The following TBC1D9 variants were observed in gnomAD, a reference collection of about 807,000 sequenced individuals.
The protein encoded by TBC1D9 is TBC1 domain family member 9, also known as TBC1 domain family member 9A.
Under a neutral mutation model 132.0 loss-of-function variants are expected in TBC1D9, and 63 were observed. The ratio of observed to expected loss-of-function variants is 0.48; its 90% CI spans 0.39 to 0.59. TBC1D9 has a LOEUF of 0.59. TBC1D9 is among the 20% of genes least tolerant of loss of function. TBC1D9 has a pLI of 0.00. For synonymous variants in TBC1D9, 610 were observed against 609.9 expected, an observed-to-expected ratio of 1.00 and a Z score of 0.00; for missense variants, 1,261 against 1,592.7, an observed-to-expected ratio of 0.79 and a Z score of 3.54.
chr4:140,711,784 T>C (rs1203413581), intron 1 of TBC1D9, among the ~76,000 whole-genome samples: 9 of 152,214 alleles, frequency 5.9e-5, no homozygotes, highest in Non-Finnish European at 1.3e-4. Flanking sequence ...TACTATTCTG[T>C]ATGATCCCAA....
At chr4:140,668,700 G>A (rs900541221) in intron 9 of TBC1D9, among the ~76,000 whole-genome samples, 1 of 152,174 alleles carries the variant, frequency 6.6e-6, no homozygotes, top group Non-Finnish European at 1.5e-5. Context: ...GAAGGATGGT[G>A]GATTCAACAT....
chr4:140,641,683 C>T (rs1736998335), intron 13 of TBC1D9, among the ~76,000 whole-genome samples: 1 of 152,106 alleles, frequency 6.6e-6, no homozygotes, highest in Non-Finnish European at 1.5e-5. Context: ...GAGAAAAATG[C>T]AGACTCAGAA....
intron 13 of TBC1D9, chr4:140,642,195 G>A: frequency 1.3e-6 from 1 of 756,042 alleles, no homozygotes; most frequent in East Asian, 2.5e-5. Context: ...GCTAGCCGGA[G>A]GGGCCTTGGG....
In TBC1D9 at chr4:140,689,939, C is replaced by T. The variant is rs866837356; in HGVS notation, c.242-3477G>A. Among the ~76,000 whole-genome samples the T allele has an allele frequency of 9.9e-5, 15 of 150,888 alleles. No individual in the cohort carries two copies. The Middle Eastern group carries it at 0.01, about 103-fold the overall frequency. On this transcript the variant is annotated intron_variant, in intron 2 of 20. Coordinates refer to ENST00000442267, the MANE Select transcript of TBC1D9 (RefSeq NM_015130.3). ...AATTGTTTTTATATTTTTAGTAGGT[C>T]TCAAACTCCTGGCCTCAAGCAATCC...
chr4:140,642,202 T>C, intron 13 of TBC1D9: 1 of 747,916 alleles, frequency 1.3e-6, no homozygotes, highest in East Asian at 2.5e-5. Flanking sequence ...GGAGGGGCCT[T>C]GGGCGGGCCA....
chr4:140,721,369 C>T (rs749518188), intron 1 of TBC1D9, among the ~76,000 whole-genome samples: 1 of 152,172 alleles, frequency 6.6e-6, no homozygotes, highest in Admixed American at 6.5e-5. Flanking sequence ...CTCACAATAT[C>T]CTAAGACATA....
intron 2 of TBC1D9, among the ~76,000 whole-genome samples, chr4:140,689,997 C>G (rs1352481515): frequency 3.3e-5 from 5 of 151,560 alleles, no homozygotes; most frequent in African/African-American, 1.2e-4. Flanking sequence ...GCTGGGGTTA[C>G]AGACTTGAGC....
In TBC1D9 at chr4:140,642,982, A is replaced by G. The variant is rs185942698; in HGVS notation, c.2338-3554T>C. On this transcript the variant is annotated intron_variant, in intron 13 of 20. Transcript: ENST00000442267. ...TACTGGTGCTGGACCTCGGCCCGCC[A>G]CATTCTGAAGTCCAGTTCCAGGACG... 2.0e-4 allele frequency: 137 copies of G among 689,200 alleles called. No homozygotes were observed. In the African/African-American group the frequency reaches 2.0e-3, roughly 10 times the overall value. 42.7% of individuals were successfully genotyped at this position (689,200 alleles called of 1,614,324 possible).
intron 9 of TBC1D9, 106 bp downstream of exon 9, chr4:140,668,811 G>A (rs964903158): frequency 8.0e-6 from 9 of 1,131,302 alleles, no homozygotes; most frequent in Admixed American, 7.6e-5. Flanking sequence ...TCAACTGGGG[G>A]ATGCATATTT....
rs145229350 is a variant in TBC1D9, at chr4:140,712,891, G to T, written c.131-11277C>A. On this transcript the variant is annotated intron_variant, in intron 1 of 20. Transcript: ENST00000442267. ...ATTTCTCATGGCCTAATAACGAGAT[G>T]CAAATGAACTGGGGAGGAAGAAAGT... Among the ~76,000 whole-genome samples the T allele has an allele frequency of 5.1e-3, 776 of 152,220 alleles. 5 individuals carry two copies. The highest frequency in any genetic ancestry group is 0.016 in the African/African-American group (667 of 41,532).
intron 18 of TBC1D9, among the ~76,000 whole-genome samples, chr4:140,625,954 A>T (rs1202059906): frequency 6.6e-6 from 1 of 152,246 alleles, no homozygotes; most frequent in Admixed American, 6.5e-5. Flanking sequence ...AAACATTTCC[A>T]TGCAAAGCAA....
intron 6 of TBC1D9, among the ~76,000 whole-genome samples, chr4:140,672,085 T>C (rs549432412): frequency 1.2e-3 from 184 of 152,104 alleles, no homozygotes; most frequent in Non-Finnish European, 2.3e-3. Context: ...CTCTTGCATA[T>C]CTAAAAAAAT....
intron 1 of TBC1D9, among the ~76,000 whole-genome samples, chr4:140,735,856 T>C (rs1432195084): frequency 1.3e-5 from 2 of 152,186 alleles, no homozygotes; most frequent in Non-Finnish European, 2.9e-5. Context: ...CAACAAGAGA[T>C]AAGAGCTGTC....
rs1737695547 is a variant in TBC1D9, at chr4:140,681,053, T to C, written c.361-1210A>G. ...CACAGGCAGTGTGCCCAGAGTAGCC[T>C]AGACCCATGTACATTTTTGGATCCA... is the stretch of plus-strand genomic sequence containing the variant. On this transcript the variant is annotated intron_variant, in intron 3 of 20. Coordinates refer to ENST00000442267, the MANE Select transcript of TBC1D9 (RefSeq NM_015130.3). Among the ~76,000 whole-genome samples, 3 of 152,176 alleles carry C rather than the reference T, an allele frequency of 2.0e-5. No individual in the cohort carries two copies. In the South Asian group the frequency reaches 6.2e-4, roughly 32 times the overall value.
rs556599480 is a variant in TBC1D9, at chr4:140,728,596, C to T, written c.131-26982G>A. Among the ~76,000 whole-genome samples the T allele has an allele frequency of 5.3e-5, 8 of 152,038 alleles. No individual in the cohort carries two copies. In the East Asian group the frequency reaches 5.8e-4, roughly 11 times the overall value. On this transcript the variant is annotated intron_variant, in intron 1 of 20. Transcript: ENST00000442267. Reference sequence around the variant, plus strand: ...GAAACCTTCACCTCCTGGGTTCAAGCGATTCTTGTGCCTCAGCCTCGCGAG... The same window carrying T: ...GAAACCTTCACCTCCTGGGTTCAAGTGATTCTTGTGCCTCAGCCTCGCGAG...
chr4:140,687,343 C>CATAT (rs200090051), intron 2 of TBC1D9, among the ~76,000 whole-genome samples: 885 of 37,096 alleles, frequency 0.024, 43 homozygotes, highest in Non-Finnish European at 0.038. Context: ...GTGTGTGTGT[C>CATAT]ATATATATAT....
At chr4:140,639,276 G>T in intron 14 of TBC1D9, 54 bp downstream of exon 14, 1 of 1,497,674 alleles carries the variant, frequency 6.7e-7, no homozygotes. Context: ...CAGCCAGCAG[G>T]AGTGTGAAGA....
intron 13 of TBC1D9, 131 bp downstream of exon 13, chr4:140,656,966 G>T: frequency 8.2e-7 from 1 of 1,222,996 alleles, no homozygotes; most frequent in Non-Finnish European, 1.1e-6. Context: ...GCGTCCCAAA[G>T]TCTAGAACTG....
chr4:140,656,610 AG>A (rs1284482255), intron 13 of TBC1D9, among the ~76,000 whole-genome samples: 1 of 152,242 alleles, frequency 6.6e-6, no homozygotes, highest in Non-Finnish European at 1.5e-5. Flanking sequence ...GTCTCTTTGC[AG>A]TTAACTCCTC....
Sources: gnomAD v4.1 joint callset for allele counts (sites outside exome capture counted in the v4.1 genomes callset) on GRCh38, gnomAD v4.1.1 for gene constraint, MANE v1.5 for transcripts, NCBI Gene and HGNC (gene_info 2026-07-23, HGNC 2026-07-21) for gene names.